Variants in GNL2 observed in about 807,000 individuals in gnomAD.
GNL2 encodes nucleolar GTP-binding protein 2.
GNL2 carries 51 observed loss-of-function variants against 92.3 expected under a neutral mutation model. That is an observed-to-expected ratio of 0.55 (90% confidence interval 0.44 to 0.70). The LOEUF (loss-of-function observed/expected upper bound fraction) is 0.70. Ranked by LOEUF, GNL2 falls within the 30% of genes least tolerant of loss-of-function variation. The probability of loss-of-function intolerance (pLI) is 0.00; values close to 1 mark genes in which losing one functional copy is unlikely to be tolerated. For missense variants in GNL2, 844 were observed against 895.6 expected, an observed-to-expected ratio of 0.94 and a Z score of 0.74; for synonymous variants, 283 against 300.6, an observed-to-expected ratio of 0.94 and a Z score of 0.61.
intron 6 of GNL2, 60 bp from the exon 7 acceptor site, chr1:37,582,996 T>G (rs1161129775): frequency 8.9e-7 from 1 of 1,127,174 alleles, no homozygotes; most frequent in Admixed American, 2.3e-5. Context: ...GGGATGACAT[T>G]TAAGGGAGTC....
At chr1:37,567,060 G>A (rs1643515963) in intron 15 of GNL2, 53 bp from the exon 16 acceptor site, 1 of 1,571,352 alleles carries the variant, frequency 6.4e-7, no homozygotes, top group African/African-American at 1.4e-5. Context: ...AACCCTGAAA[G>A]TCATTCACAA....
chr1:37,568,171 A>C, intron 14 of GNL2, 104 bp downstream of exon 14: 1 of 706,766 alleles, frequency 1.4e-6, no homozygotes. Flanking sequence ...AGATATGACA[A>C]ACATTTATGT....
intron 15 of GNL2, among the ~76,000 whole-genome samples, chr1:37,567,471 T>C (rs1437331297): frequency 1.3e-4 from 19 of 151,978 alleles, no homozygotes; most frequent in Non-Finnish European, 1.5e-5. Context: ...GAGACGTTGA[T>C]TAGAAACTCC....
rs145743757 is a variant in GNL2 at position 37,573,401 on chromosome 1, C to A, written c.1416+942G>T. 4.6e-4 allele frequency among the ~76,000 whole-genome samples: 70 copies of A among 152,334 alleles called. 1 individual carries two copies. In the East Asian group the frequency reaches 0.013, roughly 28 times the overall value. On this transcript the variant is annotated intron_variant, in intron 12 of 15. Transcript: ENST00000373062. ...CTGGGTTCTGAAAAAGGTCCTAGAA[C>A]CAGAAAGGCAAAACGTTAACGTTGA...
At chr1:37,579,895 CAAAAAAAAA>C (rs34353424) in intron 8 of GNL2, among the ~76,000 whole-genome samples, 1 of 73,884 alleles carries the variant, frequency 1.4e-5, no homozygotes, top group Non-Finnish European at 2.6e-5. Context: ...GACTCTGCCT[CAAAAAAAAA>C]AAAAAAAAAA....
At chr1:37,581,201 A>C (rs1643760812) in intron 8 of GNL2, 2 of 366,094 alleles carry the variant, frequency 5.5e-6, no homozygotes, top group East Asian at 1.5e-4. Context: ...TGTACTAAAA[A>C]TATGGAGGAA....
chr1:37,593,779 A>G lies in GNL2; in HGVS notation c.132T>C (p.Tyr44=), dbSNP rs777114460. The G allele has an allele frequency of 5.0e-6, 8 of 1,613,438 alleles. No individual in the cohort carries two copies. The highest frequency in any genetic ancestry group is 3.3e-5 in the Admixed American group (2 of 60,006). ...GTGCTCACCTGCGCTCCTTTTGCCT[A>G]TACATATTCAGGCGCCGGATGGTGG... ...DRATIRRLNM[Y]RQKERRNSRG... Residue 44 remains tyrosine (Y), a synonymous_variant, in exon 2 of 16, where the codon TAT becomes TAC. Transcript: ENST00000373062.
chr1:37,574,641 A>G (rs371541313), intron 11 of GNL2, 24 bp downstream of exon 11: 2 of 1,609,748 alleles, frequency 1.2e-6, no homozygotes, highest in African/African-American at 1.3e-5. Context: ...GTATCAGTCT[A>G]AATTCTCACA....
At chr1:37,576,630 T>C (rs2148132868) in intron 8 of GNL2, 74 bp from the exon 9 acceptor site, 1 of 1,453,206 alleles carries the variant, frequency 6.9e-7, no homozygotes, top group Non-Finnish European at 9.4e-7. Flanking sequence ...TTGTATTACT[T>C]TGTTAATATC....
intron 2 of GNL2, 47 bp downstream of exon 2, chr1:37,593,715 C>G (rs1387466134): frequency 1.5e-6 from 2 of 1,340,026 alleles, no homozygotes; most frequent in Non-Finnish European, 2.1e-6. Flanking sequence ...AGCTAGCAGT[C>G]AAGGGCATGA....
intron 8 of GNL2, 80 bp from the exon 9 acceptor site, chr1:37,576,636 A>G (rs1643683441): frequency 7.2e-7 from 1 of 1,397,894 alleles, no homozygotes; most frequent in Non-Finnish European, 9.9e-7. Context: ...TACTTTGTTA[A>G]TATCAAGAAT....
At chr1:37,580,051 G>A (rs945096808) in intron 8 of GNL2, among the ~76,000 whole-genome samples, 2 of 152,046 alleles carry the variant, frequency 1.3e-5, no homozygotes, top group Non-Finnish European at 2.9e-5. Flanking sequence ...CTCATCAAAC[G>A]CCAAGCTCAC....
intron 1 of GNL2, among the ~76,000 whole-genome samples, chr1:37,594,493 GC>G (rs1171128677): frequency 6.6e-6 from 1 of 152,116 alleles, no homozygotes; most frequent in Non-Finnish European, 1.5e-5. Context: ...TACTAGCCTA[GC>G]TTCTCATTTT....
At chr1:37,587,277 A>C (rs764201213) in intron 5 of GNL2, 34 bp downstream of exon 5, 27 of 1,505,820 alleles carry the variant, frequency 1.8e-5, no homozygotes, top group Admixed American at 8.5e-5. Context: ...AAAAAAAAAA[A>C]AACAAAAACA....
chr1:37,568,767 T>G, intron 13 of GNL2, 84 bp downstream of exon 13: 1 of 911,060 alleles, frequency 1.1e-6, no homozygotes, highest in Non-Finnish European at 1.7e-6. Context: ...AATAACCCCA[T>G]GTAAAAATAT....
In GNL2 at chr1:37,569,176, G is replaced by A; in HGVS notation, c.1543C>T (p.His515Tyr). 1 of 1,614,062 alleles carries A rather than the reference G, an allele frequency of 6.2e-7. No homozygotes were observed. ...TGCATCTCTGTGTTAGCATCACAGT[G>A]ACTGTTCTCTTCTGTTTCTTCCTTA... ...IIKEETEENS[H>Y]CDANTEMQQI... The change falls in exon 13 of 16, where the codon CAC (histidine) becomes TAC (tyrosine). Residue 515 changes from histidine to tyrosine, a missense_variant. By Grantham distance (83) the His-to-Tyr change is moderately conservative. Transcript: ENST00000373062.
At chr1:37,592,673 T>C (rs1000085217) in intron 3 of GNL2, 39 bp downstream of exon 3, 3 of 1,122,004 alleles carry the variant, frequency 2.7e-6, no homozygotes, top group Non-Finnish European at 4.1e-6. Flanking sequence ...CCACTCAGCA[T>C]ATATTTTGTA....
chr1:37,574,820 G>A lies in GNL2; in HGVS notation c.1147C>T (p.Gln383Ter), dbSNP rs1186855483. Residue 383 changes from glutamine (Q) to a stop codon, truncating the protein, a stop_gained, in exon 11 of 16, where the codon CAA becomes TAA. Coordinates refer to ENST00000373062, the MANE Select transcript of GNL2 (RefSeq NM_013285.3). LOFTEE classifies it high-confidence loss of function. ...ETDIVLKGVV[Q>*]VEKIKSPEDH... ...TCAGGACTCTTAATTTTTTCTACTTGAACCTAAATGTTAATAGGAAATCTC... is the reference window on the plus strand; with the variant it reads ...TCAGGACTCTTAATTTTTTCTACTTAAACCTAAATGTTAATAGGAAATCTC... The A allele has an allele frequency of 1.2e-6, 2 of 1,605,878 alleles. No individual in the cohort carries two copies. The highest frequency in any genetic ancestry group is 2.2e-5 in the South Asian group (2 of 89,920).
intron 1 of GNL2, among the ~76,000 whole-genome samples, chr1:37,595,249 AC>A: frequency 6.6e-6 from 1 of 152,338 alleles, no homozygotes; most frequent in South Asian, 2.1e-4. Context: ...GCCAAAACTT[AC>A]ACACATCTCC....
Sources: allele counts gnomAD v4.1 joint callset (sites outside exome capture counted in the v4.1 genomes callset), GRCh38; gene constraint gnomAD v4.1.1; transcripts MANE v1.5; gene names NCBI Gene and HGNC (gene_info 2026-07-23, HGNC 2026-07-21).